The following RET variants were observed in gnomAD, a reference collection of about 807,000 sequenced individuals.
The protein encoded by RET is proto-oncogene tyrosine-protein kinase receptor Ret.
RET carries 19 observed loss-of-function variants against 118.3 expected under a neutral mutation model. The observed-to-expected ratio is 0.16, with a 90% CI of 0.11 to 0.24. The LOEUF (loss-of-function observed/expected upper bound fraction) is 0.24. Among genes scored for constraint, RET ranks in the 10% least tolerant of loss-of-function variants. The pLI is 1.00. For synonymous variants in RET, 597 were observed against 644.1 expected, an observed-to-expected ratio of 0.93 and a Z score of 1.11; for missense variants, 1,219 against 1,502.1, an observed-to-expected ratio of 0.81 and a Z score of 3.12.
rs12764797 is a variant in RET at position 43,106,111 on chromosome 10, G to T, written c.868-265G>T. 6.6e-6 allele frequency among the ~76,000 whole-genome samples: 1 copy of T among 152,112 alleles called. No individual in the cohort carries two copies. The highest frequency in any genetic ancestry group is 1.5e-5 in the Non-Finnish European group (1 of 68,012). On this transcript the variant is annotated intron_variant, in intron 4 of 19. Transcript: ENST00000355710. The surrounding 1 kb of genome is among the most constrained non-coding windows in gnomAD (Gnocchi z 5.1). Reference sequence around the variant, plus strand: ...CCTGCCAGCAGGGTGCCTGGGCATCGGCTGTAATTCTCCTTATAAGAGGTC... The same window carrying T: ...CCTGCCAGCAGGGTGCCTGGGCATCTGCTGTAATTCTCCTTATAAGAGGTC...
rs1466377483 is a variant in RET at position 43,113,546 on chromosome 10, C to A, written c.1760-10C>A. ...CCCCAGGAGGCTGAGTGGGCTACGT[C>A]TGCCCTCAGGGGGCAGCATTGTTGG... On this transcript the variant is annotated splice_polypyrimidine_tract_variant and intron_variant, in intron 9 of 19. Transcript: ENST00000355710. 1 of 1,602,904 alleles carries A rather than the reference C, an allele frequency of 6.2e-7. No homozygotes were observed. The highest frequency in any genetic ancestry group is 2.2e-5 in the East Asian group (1 of 44,588).
chr10:43,121,288 C>T (rs1436377907), intron 15 of RET, among the ~76,000 whole-genome samples: 1 of 152,220 alleles, frequency 6.6e-6, no homozygotes, highest in Admixed American at 6.5e-5. Context: ...AAAGAAGTGA[C>T]AGTAAGATTG....
intron 15 of RET, among the ~76,000 whole-genome samples, chr10:43,120,956 C>T (rs1331398162): frequency 1.3e-5 from 2 of 151,684 alleles, no homozygotes; most frequent in African/African-American, 2.4e-5. Flanking sequence ...AAAAAAAAAC[C>T]ACAAAAGGCG....
At chr10:43,086,932 G>GT (rs1837301337) in intron 1 of RET, among the ~76,000 whole-genome samples, 2 of 152,246 alleles carry the variant, frequency 1.3e-5, no homozygotes, top group East Asian at 3.9e-4. Context: ...CCAGTGCCCA[G>GT]TTGCGGACCT....
chr10:43,080,161 A>G (rs1236405509), intron 1 of RET, among the ~76,000 whole-genome samples: 1 of 152,242 alleles, frequency 6.6e-6, no homozygotes, highest in Non-Finnish European at 1.5e-5. Context: ...CGGGGAGCTA[A>G]TAGCCTTTTA....
At chr10:43,091,905 G>A (rs982040520) in intron 1 of RET, among the ~76,000 whole-genome samples, 1 of 151,588 alleles carries the variant, frequency 6.6e-6, no homozygotes, top group Non-Finnish European at 1.5e-5. Context: ...AAGGTAAATA[G>A]TGTAGCTGCT....
At chr10:43,084,805 T>A (rs1837255888) in intron 1 of RET, among the ~76,000 whole-genome samples, 1 of 152,066 alleles carries the variant, frequency 6.6e-6, no homozygotes, top group Non-Finnish European at 1.5e-5. Flanking sequence ...TGTCACTGCT[T>A]GTGCATAAGA....
At chr10:43,091,690 A>G (rs1564486579) in intron 1 of RET, among the ~76,000 whole-genome samples, 1 of 151,874 alleles carries the variant, frequency 6.6e-6, no homozygotes, top group Non-Finnish European at 1.5e-5. Context: ...CTGGATGGAC[A>G]TTTCTCCGAA....
chr10:43,096,762 A>T (rs1837530414), intron 1 of RET, among the ~76,000 whole-genome samples: 1 of 152,044 alleles, frequency 6.6e-6, no homozygotes, highest in African/African-American at 2.4e-5. Flanking sequence ...CTTGATCTAG[A>T]ATTATGAAGA....
chr10:43,114,045 C>T lies in RET; in HGVS notation c.1879+370C>T, dbSNP rs1312932157. ...ACTACACTCAGGGGTGCTGTTCTGC[C>T]TGAGCATAGGGACACGTTTCTGTCA... is the stretch of plus-strand genomic sequence containing the variant. On this transcript the variant is annotated intron_variant, in intron 10 of 19. Coordinates refer to ENST00000355710, the MANE Select transcript of RET (RefSeq NM_020975.6). The surrounding 1 kb of genome is among the most constrained non-coding windows in gnomAD (Gnocchi z 4.6). Among the ~76,000 whole-genome samples the T allele has an allele frequency of 1.3e-5, 2 of 152,226 alleles. No individual in the cohort carries two copies. The highest frequency in any genetic ancestry group is 2.4e-5 in the African/African-American group (1 of 41,454).
chr10:43,102,210 C>A, intron 2 of RET, 132 bp from the exon 3 acceptor site: 1 of 1,149,534 alleles, frequency 8.7e-7, no homozygotes, highest in Non-Finnish European at 1.3e-6. Context: ...AGAGCTGGAA[C>A]ACCAGTCTGA....
chr10:43,081,440 T>C (rs144924374), intron 1 of RET, among the ~76,000 whole-genome samples: 1,669 of 152,284 alleles, frequency 0.011, 15 homozygotes, highest in Admixed American at 0.019. Context: ...GGAGAGACCG[T>C]AGTCAAGGAG....
At chr10:43,080,389 G>A (rs77154599) in intron 1 of RET, among the ~76,000 whole-genome samples, 1 of 152,228 alleles carries the variant, frequency 6.6e-6, no homozygotes, top group African/African-American at 2.4e-5. Flanking sequence ...CCCCTGTGCT[G>A]TGCCTACTCA....
At chr10:43,103,094 C>G (rs1037500179) in intron 3 of RET, among the ~76,000 whole-genome samples, 1 of 152,166 alleles carries the variant, frequency 6.6e-6, no homozygotes, top group Non-Finnish European at 1.5e-5. Flanking sequence ...GTGTGACCCT[C>G]GTGTGCCTGG....
Position 43,128,104 on chromosome 10 carries a change from A to AT in RET, c.3188-3dup. On this transcript the variant is annotated splice_region_variant and splice_polypyrimidine_tract_variant and intron_variant, in intron 19 of 19. Transcript: ENST00000355710. Reference sequence around the variant, plus strand: ...AGTGCAGAACAAATGATCTGTTTTCATTTTTAGGCATGTCAGACCCGAACT... The same window carrying AT: ...AGTGCAGAACAAATGATCTGTTTTCATTTTTTAGGCATGTCAGACCCGAACT... 6.2e-7 allele frequency: 1 copy of AT among 1,614,106 alleles called. No individual in the cohort carries two copies. Among genetic ancestry groups the AT allele is most frequent in the Non-Finnish European group, 8.5e-7 (1 of 1,180,020 alleles).
chr10:43,093,521 C>G (rs1837452312), intron 1 of RET, among the ~76,000 whole-genome samples: 1 of 152,200 alleles, frequency 6.6e-6, no homozygotes, highest in Non-Finnish European at 1.5e-5. Context: ...ATGCTGCACA[C>G]CAGCATAGAG....
chr10:43,119,048 G>T (rs1408742155), intron 13 of RET, among the ~76,000 whole-genome samples: 1 of 152,218 alleles, frequency 6.6e-6, no homozygotes, highest in Non-Finnish European at 1.5e-5. Flanking sequence ...GGAGTGCGCA[G>T]CAGGCACTGT....
Position 43,102,569 on chromosome 10 carries a change from C to T in RET, c.565C>T (p.Arg189Cys), listed in dbSNP as rs1210452561. ...NRPPGTFHQF[R>C]LLPVQFLCPN... ...ACCCCCAGGCACCTTCCACCAGTTCCGCCTGCTGCCTGTGCAGTTCTTGTG... is the reference window on the plus strand; with the variant it reads ...ACCCCCAGGCACCTTCCACCAGTTCTGCCTGCTGCCTGTGCAGTTCTTGTG... Residue 189 changes from arginine (R) to cysteine (C), a missense_variant, in exon 3 of 20, where the codon CGC becomes TGC. Coordinates refer to ENST00000355710, the MANE Select transcript of RET (RefSeq NM_020975.6). The T allele has an allele frequency of 4.3e-6, 7 of 1,614,236 alleles. No homozygotes were observed. The highest frequency in any genetic ancestry group is 4.0e-5 in the African/African-American group (3 of 75,066).
intron 16 of RET, among the ~76,000 whole-genome samples, chr10:43,122,269 C>T (rs1838235662): frequency 6.6e-6 from 1 of 152,156 alleles, no homozygotes; most frequent in Admixed American, 6.5e-5. Flanking sequence ...GAGCAGGTGG[C>T]CAGTAACCCA....
Sources: gnomAD v4.1 joint callset for allele counts (sites outside exome capture counted in the v4.1 genomes callset) on GRCh38, gnomAD v4.1.1 for gene constraint, Gnocchi (gnomAD v3.1) non-coding constraint, MANE v1.5 for transcripts, NCBI Gene and HGNC (gene_info 2026-07-23, HGNC 2026-07-21) for gene names.